The following MAP3K10 variants were observed in gnomAD, a reference collection of about 807,000 sequenced individuals.
MAP3K10 encodes MKN28 derived nonreceptor_type serine/threonine kinase.
MAP3K10 carries 22 observed loss-of-function variants against 75.0 expected under a neutral mutation model. That is an observed-to-expected ratio of 0.29 (90% CI 0.21 to 0.42). The LOEUF is 0.42. Ranked by LOEUF, MAP3K10 falls within the 10% of genes least tolerant of loss-of-function variation. The probability of loss-of-function intolerance (pLI) is 1.00; values close to 1 mark genes in which losing one functional copy is unlikely to be tolerated. For synonymous variants in MAP3K10, 599 were observed against 612.9 expected, an observed-to-expected ratio of 0.98 and a Z score of 0.34; for missense variants, 1,165 against 1,379.8, an observed-to-expected ratio of 0.84 and a Z score of 2.47.
chr19:40,205,870 C>G lies in MAP3K10; in HGVS notation c.1189-41C>G, dbSNP rs775101030. ...CTGGGTCCCTCCCCAGGAAGCAGAGCAGCTAAGCCCCTCCCCCCAGCCACC... is the reference window on the plus strand; with the variant it reads ...CTGGGTCCCTCCCCAGGAAGCAGAGGAGCTAAGCCCCTCCCCCCAGCCACC... On this transcript the variant is annotated intron_variant, in intron 4 of 9. Transcript: ENST00000253055. The surrounding 1 kb of genome is among the most constrained non-coding windows in gnomAD (Gnocchi z 4.3). 2 of 1,473,524 alleles carry G rather than the reference C, an allele frequency of 1.4e-6. No homozygotes were observed. Among genetic ancestry groups the G allele is most frequent in the Non-Finnish European group, 1.8e-6 (2 of 1,109,396 alleles). The allele number at this position is 1,473,524 out of a possible 1,614,324, so 91.3% of individuals were successfully genotyped here.
In MAP3K10 at chr19:40,192,431, G is replaced by A; in HGVS notation, c.400G>A (p.Asp134Asn). 1 of 1,614,048 alleles carries A rather than the reference G, an allele frequency of 6.2e-7. No homozygotes were observed. The change falls in exon 1 of 10, where the codon GAC becomes AAC. Residue 134 changes from aspartate to asparagine, a missense_variant. This residue lies in a region of MAP3K10 where 575 missense variants were observed against 793.2 expected (regional missense o/e 0.72). Transcript: ENST00000253055. The surrounding 1 kb of genome is among the most constrained non-coding windows in gnomAD (Gnocchi z 7.1). ...GGCCGCCCGGCTGGACCCTGAGAAG[G>A]ACCCGGCAGTGACAGCGGAGCAGGT... is the stretch of plus-strand genomic sequence containing the variant. ...VKAARLDPEK[D>N]PAVTAEQVCQ... is the part of the protein sequence containing the mutation.
Position 40,212,716 on chromosome 19 carries a change from G to T in MAP3K10, c.1553-89G>T. On this transcript the variant is annotated intron_variant, in intron 6 of 9. Coordinates refer to ENST00000253055, the MANE Select transcript of MAP3K10 (RefSeq NM_002446.4). This position sits in a 1 kb window ranked among gnomAD's most constrained non-coding sequence, Gnocchi z 4.2. ...AAGAGCCCTTGGACTCCCAGGCGGA[G>T]GGTGGGCCTGAGCTGGGGGCACTGG... 1 of 1,512,598 alleles carries T rather than the reference G, an allele frequency of 6.6e-7. No individual in the cohort carries two copies. The highest frequency in any genetic ancestry group is 1.3e-5 in the South Asian group (1 of 79,958). The allele number at this position is 1,512,598 out of a possible 1,614,324, so 93.7% of individuals were successfully genotyped here.
At chr19:40,208,575 C>T (rs1221739159) in intron 5 of MAP3K10, among the ~76,000 whole-genome samples, 1 of 151,060 alleles carries the variant, frequency 6.6e-6, no homozygotes, top group East Asian at 2.0e-4. Flanking sequence ...TGGTGGCTCA[C>T]ACCTGTAATC....
At chr19:40,209,009 A>G (rs1599912493) in intron 5 of MAP3K10, 94 bp from the exon 6 acceptor site, 1 of 886,136 alleles carries the variant, frequency 1.1e-6, no homozygotes, top group East Asian at 2.4e-5. Context: ...CGGTGTTCCC[A>G]TTCTAGAATT....
chr19:40,207,784 A>G (rs945879124), intron 5 of MAP3K10, among the ~76,000 whole-genome samples: 2 of 152,240 alleles, frequency 1.3e-5, no homozygotes. Context: ...CATGCAATCA[A>G]TACAAAATAA....
intron 1 of MAP3K10, among the ~76,000 whole-genome samples, chr19:40,194,306 C>T (rs537957465): frequency 1.2e-4 from 18 of 151,910 alleles, no homozygotes; most frequent in African/African-American, 4.1e-4. Flanking sequence ...TGCAGTGAGC[C>T]GAGATTGCAC....
chr19:40,213,461 T>A lies in MAP3K10; in HGVS notation c.1838-56T>A. ...ATCGGGGGCTGTCCCTTGGCACAAG[T>A]CCCCGTGGGGCCCTGGCCAGCCCTG... is the stretch of plus-strand genomic sequence containing the variant. On this transcript the variant is annotated intron_variant, in intron 8 of 9. Transcript: ENST00000253055. The surrounding 1 kb of genome is among the most constrained non-coding windows in gnomAD (Gnocchi z 5.7). The A allele has an allele frequency of 6.3e-7, 1 of 1,589,524 alleles. No homozygotes were observed. The highest frequency in any genetic ancestry group is 8.5e-7 in the Non-Finnish European group (1 of 1,172,232).
chr19:40,198,332 C>T lies in MAP3K10; in HGVS notation c.683-43C>T, dbSNP rs201907084. ...CGGGCCAGAACACTTGGGTCTGCGG[C>T]GTGGCAGGTCTGGGGTGACCCACCT... is the stretch of plus-strand genomic sequence containing the variant. On this transcript the variant is annotated intron_variant, in intron 1 of 9. Transcript: ENST00000253055. The surrounding 1 kb of genome is among the most constrained non-coding windows in gnomAD (Gnocchi z 4.3). 6.7e-5 allele frequency: 105 copies of T among 1,565,438 alleles called. No individual in the cohort carries two copies. In the African/African-American group the frequency reaches 1.0e-3, roughly 15 times the overall value.
rs1460705450 is a variant in MAP3K10, at chr19:40,212,863, A to G, written c.1611A>G (p.Thr537=). Residue 537 remains threonine (T), a synonymous_variant, in exon 7 of 10, where the codon ACA becomes ACG. Coordinates refer to ENST00000253055, the MANE Select transcript of MAP3K10 (RefSeq NM_002446.4). The surrounding 1 kb of genome is among the most constrained non-coding windows in gnomAD (Gnocchi z 4.2). ...SSGSSSGGSG[T]WSRGGPPKKE... is the part of the protein sequence containing the mutation. The stretch of plus-strand genomic sequence containing the variant: ...GCAGCAGCAGTGGAGGAAGTGGGAC[A>G]TGGAGCCGCGGTGGGCCCCCAAAGA... 22 of 1,610,374 alleles carry G rather than the reference A, an allele frequency of 1.4e-5. No individual in the cohort carries two copies. The highest frequency in any genetic ancestry group is 1.9e-5 in the Non-Finnish European group (22 of 1,178,806).
rs916625500 is a variant in MAP3K10 at position 40,204,500 on chromosome 19, G to A, written c.879G>A (p.Leu293=). 4.3e-6 allele frequency: 7 copies of A among 1,613,416 alleles called. No homozygotes were observed. The African/African-American group carries it at 5.3e-5, about 12-fold the overall frequency. Residue 293 remains leucine, a synonymous_variant, in exon 3 of 10, where the codon CTG becomes CTA. Transcript: ENST00000253055. This position sits in a 1 kb window ranked among gnomAD's most constrained non-coding sequence, Gnocchi z 4.3. ...SSDVWSFGVL[L]WELLTGEVPY... ...CTGCCTGCAGCTTCGGGGTGCTGCT[G>A]TGGGAGCTGCTGACGGGGGAGGTCC...
intron 2 of MAP3K10, among the ~76,000 whole-genome samples, chr19:40,200,616 T>TC (rs1454700343): frequency 7.0e-6 from 1 of 143,086 alleles, no homozygotes; most frequent in East Asian, 2.0e-4. Context: ...TGCTACCTTT[T>TC]TTTTTTTTTT....
At chr19:40,199,887 G>A (rs868255511) in intron 2 of MAP3K10, among the ~76,000 whole-genome samples, 2 of 152,208 alleles carry the variant, frequency 1.3e-5, no homozygotes, top group East Asian at 3.8e-4. Context: ...GGCCGGGTGC[G>A]GTGGCTCACG....
At position 40,192,812 on chromosome 19, in the gene MAP3K10, C is replaced by A; in HGVS notation, c.682+99C>A. 1.0e-6 allele frequency: 1 copy of A among 964,172 alleles called. No homozygotes were observed. The highest frequency in any genetic ancestry group is 1.5e-6 in the Non-Finnish European group (1 of 674,252). The allele number at this position is 964,172 out of a possible 1,614,324, so 59.7% of individuals were successfully genotyped here. ...GTGAGGGACACCAGATGACACTGTG[C>A]CTGGAGTGAGAAGGGGCAGCAGTAT... On this transcript the variant is annotated intron_variant, in intron 1 of 9. Coordinates refer to ENST00000253055, the MANE Select transcript of MAP3K10 (RefSeq NM_002446.4). The surrounding 1 kb of genome is among the most constrained non-coding windows in gnomAD (Gnocchi z 7.1).
At chr19:40,203,201 T>C (rs1973057116) in intron 2 of MAP3K10, among the ~76,000 whole-genome samples, 1 of 151,990 alleles carries the variant, frequency 6.6e-6, no homozygotes, top group African/African-American at 2.4e-5. Context: ...TTAGCTGGGA[T>C]GGTGGTGCAC....
In MAP3K10 at chr19:40,214,257, C is replaced by A. The variant is rs781150414; in HGVS notation, c.2542+36C>A. 39 of 1,364,296 alleles carry A rather than the reference C, an allele frequency of 2.9e-5. No individual in the cohort carries two copies. In the South Asian group the frequency reaches 6.0e-4, roughly 21 times the overall value. The allele number at this position is 1,364,296 out of a possible 1,614,324, so 84.5% of individuals were successfully genotyped here. On this transcript the variant is annotated intron_variant, in intron 9 of 9. Coordinates refer to ENST00000253055, the MANE Select transcript of MAP3K10 (RefSeq NM_002446.4). ...CGCCCTGCACCCAGGTCACAGAAAACCCCTTCTTTCCTCCTCTGCCAGGGT... is the reference window on the plus strand; with the variant it reads ...CGCCCTGCACCCAGGTCACAGAAAAACCCTTCTTTCCTCCTCTGCCAGGGT...
rs956473453 is a variant in MAP3K10, at chr19:40,214,166, A to G, written c.2487A>G (p.Pro829=). The change falls in exon 9 of 10, where the codon CCA becomes CCG. Residue 829 remains proline (P), a synonymous_variant. Coordinates refer to ENST00000253055, the MANE Select transcript of MAP3K10 (RefSeq NM_002446.4). The stretch of plus-strand genomic sequence containing the variant: ...TGAGCCGCGGGCACCGGCGGACGCC[A>G]TCGGACGGGGCGCTGGGGCAGCGGG... The part of the protein sequence containing the change: ...CAVSRGHRRT[P]SDGALGQRGP... 6.6e-7 allele frequency: 1 copy of G among 1,518,232 alleles called. No individual in the cohort carries two copies. 94.0% of individuals were successfully genotyped at this position (1,518,232 alleles called of 1,614,324 possible). A position where few individuals can be genotyped will look rare whatever the true frequency, so the allele number is the denominator to read the frequency against.
chr19:40,205,998 C>T lies in MAP3K10; in HGVS notation c.1276C>T (p.Leu426=). 6 of 1,612,308 alleles carry T rather than the reference C, an allele frequency of 3.7e-6. No individual in the cohort carries two copies. Among genetic ancestry groups the T allele is most frequent in the Non-Finnish European group, 5.1e-6 (6 of 1,179,160 alleles). ...GCAGCTGCGGCGGCGGGAGCAGGAG[C>T]TGGCAGAACGTGAGATGGACATCGT... is the stretch of plus-strand genomic sequence containing the variant. The part of the protein sequence containing the change: ...EEQLRRREQE[L]AEREMDIVER... The change falls in exon 5 of 10, where the codon CTG becomes TTG. Residue 426 remains leucine, a synonymous_variant. Coordinates refer to ENST00000253055, the MANE Select transcript of MAP3K10 (RefSeq NM_002446.4). This position sits in a 1 kb window ranked among gnomAD's most constrained non-coding sequence, Gnocchi z 4.3.
chr19:40,208,531 G>A (rs943385151), intron 5 of MAP3K10, among the ~76,000 whole-genome samples: 5 of 149,474 alleles, frequency 3.3e-5, no homozygotes, highest in Non-Finnish European at 7.4e-5. Context: ...CTCAAATTGC[G>A]GTAATTACAA....
At chr19:40,209,288 T>C (rs1973191050) in intron 6 of MAP3K10, 69 bp downstream of exon 6, 2 of 1,239,042 alleles carry the variant, frequency 1.6e-6, no homozygotes, top group Middle Eastern at 3.9e-4. Context: ...ACGATGTTTA[T>C]ACCTGGCACC....
Sources: gnomAD v4.1 joint callset for allele counts (sites outside exome capture counted in the v4.1 genomes callset) on GRCh38, gnomAD v4.1.1 for gene constraint, gnomAD v4.1.1 regional missense constraint, Gnocchi (gnomAD v3.1) non-coding constraint, MANE v1.5 for transcripts, NCBI Gene and HGNC (gene_info 2026-07-23, HGNC 2026-07-21) for gene names.